The following PPP1CC variants were observed in gnomAD, a reference collection of about 807,000 sequenced individuals.
The protein encoded by PPP1CC is serine/threonine-protein phosphatase PP1-gamma catalytic subunit.
Under a neutral mutation model 38.4 loss-of-function variants are expected in PPP1CC, and 16 were observed. The ratio of observed to expected loss-of-function variants is 0.42; its 90% confidence interval spans 0.28 to 0.63. The LOEUF (loss-of-function observed/expected upper bound fraction) is 0.63. PPP1CC is among the 30% of genes least tolerant of loss of function. The pLI, the probability that PPP1CC is intolerant of heterozygous loss-of-function variation, is 0.25. For synonymous variants in PPP1CC, 158 were observed against 136.0 expected (o/e 1.16, Z -1.13); for missense variants, 170 against 391.3 (o/e 0.43, Z 4.77).
At chr12:110,715,494 GTATTAT>G (rs1566078427), downstream of PPP1CC, among the ~76,000 whole-genome samples, 1 of 151,270 alleles carries the variant, frequency 6.6e-6, no homozygotes, top group Non-Finnish European at 1.5e-5. Flanking sequence ...CTAATTTTTT[GTATTAT>G]TATATTTTTA....
downstream of PPP1CC, among the ~76,000 whole-genome samples, chr12:110,717,269 T>C (rs1372956281): frequency 6.6e-6 from 1 of 152,162 alleles, no homozygotes; most frequent in East Asian, 1.9e-4. Flanking sequence ...GGCTGATGCA[T>C]ACATCTGATT....
At chr12:110,739,638 C>G (rs1320911120) in intron 1 of PPP1CC, among the ~76,000 whole-genome samples, 3 of 152,166 alleles carry the variant, frequency 2.0e-5, no homozygotes, top group Non-Finnish European at 4.4e-5. Flanking sequence ...ATCACTAAAA[C>G]AAGTCAGGCA....
rs1189505854 is a variant in PPP1CC at position 110,722,509 on chromosome 12, T to C, written c.710A>G (p.His237Arg). ...ACATATAAGATCCAAATCATGCTTA[T>C]GGAGAAATTTTGCAACCACTTCTGC... Reference protein sequence around the residue: ...FGAEVVAKFLHKHDLDLICRA... With the variant: ...FGAEVVAKFLRKHDLDLICRA... Residue 237 changes from histidine to arginine, a missense_variant, in exon 5 of 7, where the codon CAT becomes CGT. Physicochemically the swap from His to Arg is conservative, Grantham distance 29. Transcript: ENST00000335007. This position sits in a 1 kb window ranked among gnomAD's most constrained non-coding sequence, Gnocchi z 5.4. 1 of 1,614,128 alleles carries C rather than the reference T, an allele frequency of 6.2e-7. No homozygotes were observed. Among genetic ancestry groups the C allele is most frequent in the Non-Finnish European group, 8.5e-7 (1 of 1,180,054 alleles).
chr12:110,732,949 G>T (rs1384034501), intron 1 of PPP1CC: 1 of 152,040 alleles, frequency 6.6e-6, no homozygotes, highest in Non-Finnish European at 1.5e-5. Context: ...GTTCACTTTT[G>T]GACCCCAAAA....
At chr12:110,718,659 T>C (rs571843407), downstream of PPP1CC, among the ~76,000 whole-genome samples, 7 of 152,046 alleles carry the variant, frequency 4.6e-5, no homozygotes, top group South Asian at 6.2e-4. Context: ...GAGTTGAGCA[T>C]TCTAAAGACA....
chr12:110,740,128 T>C (rs904133420), intron 1 of PPP1CC, among the ~76,000 whole-genome samples: 10 of 152,190 alleles, frequency 6.6e-5, no homozygotes, highest in African/African-American at 2.2e-4. Flanking sequence ...TTTAGTACTA[T>C]TACTCAGCTA....
In PPP1CC at chr12:110,719,936, T is replaced by C. The variant is rs2136535491; in HGVS notation, c.*1140A>G. On this transcript the variant is annotated 3_prime_UTR_variant, in exon 7 of 7. Coordinates refer to ENST00000335007, the MANE Select transcript of PPP1CC (RefSeq NM_002710.4). ...AAGTTCATCATTTAATAAGTCTGAA[T>C]TCATTTTCACCACACGGTATTGTAC... 1.9e-6 allele frequency: 1 copy of C among 521,336 alleles called. No homozygotes were observed. The highest frequency in any genetic ancestry group is 3.4e-6 in the Non-Finnish European group (1 of 297,054). 32.3% of individuals were successfully genotyped at this position (521,336 alleles called of 1,614,324 possible). A position where few individuals can be genotyped will look rare whatever the true frequency, so the allele number is the denominator to read the frequency against.
At chr12:110,719,409 G>C (rs1050568457), downstream of PPP1CC, among the ~76,000 whole-genome samples, 3 of 152,152 alleles carry the variant, frequency 2.0e-5, no homozygotes, top group African/African-American at 7.2e-5. Flanking sequence ...AGGAAAAAAA[G>C]CTTTTCAAAT....
chr12:110,711,852 G>A, the PPP1CC span, among the ~76,000 whole-genome samples: 1 of 151,960 alleles, frequency 6.6e-6, no homozygotes, highest in Admixed American at 6.6e-5. Context: ...TTGAACTTGC[G>A]GGACGGAGGT....
chr12:110,728,397 C>CAAAAAAAA (rs1234259790), intron 3 of PPP1CC, among the ~76,000 whole-genome samples: 12 of 78,566 alleles, frequency 1.5e-4, no homozygotes, highest in Non-Finnish European at 2.3e-4. Context: ...GACTCCGTCT[C>CAAAAAAAA]AAAAAAAAAA....
intron 1 of PPP1CC, among the ~76,000 whole-genome samples, chr12:110,742,332 C>G (rs2070026824): frequency 6.6e-6 from 1 of 152,178 alleles, no homozygotes; most frequent in Non-Finnish European, 1.5e-5. Context: ...AAAGACCCGT[C>G]CAGTGCGCGG....
At chr12:110,731,054 A>G (rs1048792501) in intron 2 of PPP1CC, among the ~76,000 whole-genome samples, 3 of 152,188 alleles carry the variant, frequency 2.0e-5, no homozygotes, top group African/African-American at 7.2e-5. Flanking sequence ...ATTCTTGCCA[A>G]GTAACATGGT....
downstream of PPP1CC, among the ~76,000 whole-genome samples, chr12:110,715,362 C>A (rs1019019550): frequency 3.3e-5 from 5 of 151,946 alleles, no homozygotes; most frequent in Admixed American, 3.3e-4. Flanking sequence ...ACTCTGTCGC[C>A]CAGGCTGGAG....
chr12:110,726,308 T>A (rs562287502), intron 3 of PPP1CC: 107 of 151,912 alleles, frequency 7.0e-4, no homozygotes, highest in African/African-American at 2.4e-3. Flanking sequence ...TGCAGAGGAG[T>A]GTTATCTTTT....
chr12:110,708,596 C>G, the PPP1CC span, among the ~76,000 whole-genome samples: 1 of 152,136 alleles, frequency 6.6e-6, no homozygotes, highest in African/African-American at 2.4e-5. Flanking sequence ...CACCTGTAAT[C>G]CCAGCACTTT....
At chr12:110,729,362 T>C (rs1374423402) in intron 3 of PPP1CC, among the ~76,000 whole-genome samples, 1 of 152,130 alleles carries the variant, frequency 6.6e-6, no homozygotes, top group Non-Finnish European at 1.5e-5. Flanking sequence ...GCCTGGCTAA[T>C]TTTTGTATTT....
intron 3 of PPP1CC, chr12:110,725,669 T>C (rs1461476637): frequency 6.6e-6 from 1 of 152,254 alleles, no homozygotes; most frequent in Non-Finnish European, 1.5e-5. Context: ...CCTAGTCACA[T>C]ACCTTGCAAG....
At chr12:110,739,202 G>C (rs1245911791) in intron 1 of PPP1CC, among the ~76,000 whole-genome samples, 2 of 152,068 alleles carry the variant, frequency 1.3e-5, no homozygotes, top group Non-Finnish European at 2.9e-5. Context: ...CAGCTACTCA[G>C]GGGGCTGAGA....
At chr12:110,728,531 T>C (rs559680123) in intron 3 of PPP1CC, among the ~76,000 whole-genome samples, 13 of 152,248 alleles carry the variant, frequency 8.5e-5, no homozygotes, top group African/African-American at 3.1e-4. Flanking sequence ...GGTGAAAGGA[T>C]TGCTTAAACC....
Sources: gnomAD v4.1 joint callset for allele counts (sites outside exome capture counted in the v4.1 genomes callset) on GRCh38, gnomAD v4.1.1 for gene constraint, Gnocchi (gnomAD v3.1) non-coding constraint, MANE v1.5 for transcripts, NCBI Gene and HGNC (gene_info 2026-07-23, HGNC 2026-07-21) for gene names.